The following ADAMTSL1 variants were observed in gnomAD, a reference collection of about 807,000 sequenced individuals.
The protein encoded by ADAMTSL1 is ADAMTS like 1, also known as ADAMTS-like protein 1.
ADAMTSL1 carries 126 observed loss-of-function variants against 201.8 expected under a neutral mutation model. The ratio of observed to expected loss-of-function variants is 0.62; its 90% CI spans 0.54 to 0.72. The LOEUF (loss-of-function observed/expected upper bound fraction) is 0.72, where lower values mean the gene tolerates loss of function less well. ADAMTSL1 is among the 30% of genes least tolerant of loss of function. The pLI, the probability that ADAMTSL1 is intolerant of heterozygous loss-of-function variation, is 0.00. For synonymous variants in ADAMTSL1, 1,121 were observed against 903.4 expected (o/e 1.24, Z -4.32); for missense variants, 2,679 against 2,277.8 (o/e 1.18, Z -3.59).
At chr9:18,838,530 A>C (rs563667281) in intron 23 of ADAMTSL1, among the ~76,000 whole-genome samples, 9 of 152,118 alleles carry the variant, frequency 5.9e-5, no homozygotes, top group African/African-American at 2.2e-4. Flanking sequence ...AAATAAATAA[A>C]TAAATAAATA....
intron 2 of ADAMTSL1, among the ~76,000 whole-genome samples, chr9:18,255,752 G>T (rs896989594): frequency 6.6e-6 from 1 of 152,112 alleles, no homozygotes; most frequent in African/African-American, 2.4e-5. Flanking sequence ...TCATCGTTCT[G>T]TCGAAATCCC....
intron 26 of ADAMTSL1, among the ~76,000 whole-genome samples, chr9:18,903,268 G>A (rs779069797): frequency 5.3e-5 from 8 of 152,066 alleles, no homozygotes; most frequent in African/African-American, 1.2e-4. Context: ...TTCAATCATG[G>A]TATGTTCATA....
chr9:17,950,609 T>C (rs2131372215), intron 1 of ADAMTSL1, among the ~76,000 whole-genome samples: 2 of 152,112 alleles, frequency 1.3e-5, no homozygotes, highest in South Asian at 4.2e-4. Context: ...TGATCTCTCA[T>C]ACTGATACAT....
chr9:18,337,278 C>T (rs1031730347), intron 2 of ADAMTSL1, among the ~76,000 whole-genome samples: 6 of 152,124 alleles, frequency 3.9e-5, no homozygotes, highest in Non-Finnish European at 7.4e-5. Context: ...TTGCCAGGGG[C>T]TCTAGGGCCT....
chr9:18,801,322 G>C (rs1265526662), intron 20 of ADAMTSL1, among the ~76,000 whole-genome samples: 1 of 152,204 alleles, frequency 6.6e-6, no homozygotes, highest in Non-Finnish European at 1.5e-5. Context: ...GTGCAATTTA[G>C]AGATTTATTT....
chr9:18,646,391 T>C (rs1827813956), intron 7 of ADAMTSL1, among the ~76,000 whole-genome samples: 1 of 151,982 alleles, frequency 6.6e-6, no homozygotes, highest in Admixed American at 6.6e-5. Context: ...TTCCTTCTCC[T>C]GCCTAATTGC....
chr9:18,534,890 G>A (rs928183836), intron 3 of ADAMTSL1, among the ~76,000 whole-genome samples: 3 of 152,200 alleles, frequency 2.0e-5, no homozygotes, highest in African/African-American at 7.2e-5. Context: ...AGGCTGCCTA[G>A]AGCAGGGGGC....
chr9:18,407,715 C>A (rs1818265364), intron 2 of ADAMTSL1, among the ~76,000 whole-genome samples: 1 of 152,066 alleles, frequency 6.6e-6, no homozygotes, highest in South Asian at 2.1e-4. Context: ...GAAGTGGAAG[C>A]TTATTGCAAT....
At position 18,868,168 on chromosome 9, in the gene ADAMTSL1, A is replaced by G. The variant is rs77556843; in HGVS notation, c.4250-19663A>G. 5.2e-3 allele frequency among the ~76,000 whole-genome samples: 785 copies of G among 152,296 alleles called. 4 individuals are homozygous for G. Among genetic ancestry groups the G allele is most frequent in the African/African-American group, 0.017 (720 of 41,566 alleles). ...AATATATGTCATTTCTAGAAGTCCAATTGATTTTTTATTACTTCCACTTTC... is the reference window on the plus strand; with the variant it reads ...AATATATGTCATTTCTAGAAGTCCAGTTGATTTTTTATTACTTCCACTTTC... On this transcript the variant is annotated intron_variant, in intron 23 of 28. Transcript: ENST00000380548.
At chr9:18,611,802 T>A (rs1344521043) in intron 4 of ADAMTSL1, among the ~76,000 whole-genome samples, 2 of 152,200 alleles carry the variant, frequency 1.3e-5, no homozygotes, top group Non-Finnish European at 2.9e-5. Context: ...GGCAAAAGTT[T>A]ATTCCTATGA....
chr9:18,757,086 G>C (rs975606245), intron 16 of ADAMTSL1, among the ~76,000 whole-genome samples: 1 of 152,120 alleles, frequency 6.6e-6, no homozygotes, highest in Non-Finnish European at 1.5e-5. Flanking sequence ...TTGGTTGTTA[G>C]GGGACCATTT....
At chr9:18,833,120 C>T (rs1208929408) in intron 23 of ADAMTSL1, among the ~76,000 whole-genome samples, 2 of 152,242 alleles carry the variant, frequency 1.3e-5, no homozygotes, top group African/African-American at 2.4e-5. Context: ...AACACATGCA[C>T]AGGCCCACCT....
chr9:18,003,663 A>G (rs1343269930), intron 1 of ADAMTSL1, among the ~76,000 whole-genome samples: 2 of 152,102 alleles, frequency 1.3e-5, no homozygotes, highest in East Asian at 3.9e-4. Context: ...CAAATGTTAC[A>G]TAACATCATG....
At chr9:18,532,214 A>G (rs538416756) in intron 2 of ADAMTSL1, among the ~76,000 whole-genome samples, 6 of 152,282 alleles carry the variant, frequency 3.9e-5, no homozygotes, top group South Asian at 4.1e-4. Flanking sequence ...GTTTTTGTTC[A>G]TAGGAATGCA....
At chr9:18,776,174 A>G (rs905102290) in intron 18 of ADAMTSL1, among the ~76,000 whole-genome samples, 1 of 145,188 alleles carries the variant, frequency 6.9e-6, no homozygotes, top group South Asian at 2.5e-4. Flanking sequence ...AGCTGGAGGC[A>G]GTGTATTACT....
chr9:18,801,128 G>A (rs1822771834), intron 20 of ADAMTSL1, among the ~76,000 whole-genome samples: 1 of 152,122 alleles, frequency 6.6e-6, no homozygotes, highest in Non-Finnish European at 1.5e-5. Context: ...TATGCTGAAG[G>A]CGTGCCAACT....
At chr9:18,082,389 G>A (rs189404884) in intron 1 of ADAMTSL1, among the ~76,000 whole-genome samples, 82 of 152,152 alleles carry the variant, frequency 5.4e-4, no homozygotes, top group Admixed American at 1.4e-3. Flanking sequence ...AGCTCTCACC[G>A]CAACCTCCGC....
Position 18,910,418 on chromosome 9 carries a change from A to C in ADAMTSL1, c.*1870A>C, listed in dbSNP as rs1563914302. On this transcript the variant is annotated 3_prime_UTR_variant, in exon 29 of 29. Coordinates refer to ENST00000380548, the MANE Select transcript of ADAMTSL1 (RefSeq NM_001040272.6). Reference sequence around the variant, plus strand: ...GGGACTTTATTAACTAACTTCCTGCAGTTGTGTTCCTGTAAACTCAGTAGT... The same window carrying C: ...GGGACTTTATTAACTAACTTCCTGCCGTTGTGTTCCTGTAAACTCAGTAGT... 2.0e-5 allele frequency: 3 copies of C among 152,162 alleles called. No homozygotes were observed. In the East Asian group the frequency reaches 5.8e-4, roughly 29 times the overall value. The allele number at this position is 152,162 out of a possible 1,614,324, so 9.4% of individuals were successfully genotyped here.
chr9:18,031,839 G>A (rs1416832656), intron 1 of ADAMTSL1, among the ~76,000 whole-genome samples: 6 of 152,208 alleles, frequency 3.9e-5, no homozygotes, highest in Admixed American at 1.3e-4. Flanking sequence ...GAGCTTGGCA[G>A]GGTCAGAGTG....
Sources: gnomAD v4.1 joint callset for allele counts (sites outside exome capture counted in the v4.1 genomes callset) on GRCh38, gnomAD v4.1.1 for gene constraint, MANE v1.5 for transcripts, NCBI Gene and HGNC (gene_info 2026-07-23, HGNC 2026-07-21) for gene names.